Variants in RELN observed in about 807,000 individuals in gnomAD.
The protein encoded by RELN is reelin.
In RELN, 108 loss-of-function variants were observed where a neutral mutation model predicts 427.6. That is an observed-to-expected ratio of 0.25 (90% confidence interval 0.22 to 0.30). RELN has a LOEUF of 0.30. Ranked by LOEUF, RELN falls within the 10% of genes least tolerant of loss-of-function variation. RELN has a pLI of 1.00. For synonymous variants in RELN, 1,524 were observed against 1,513.4 expected (o/e 1.01, Z -0.16); for missense variants, 3,715 against 4,302.8 (o/e 0.86, Z 3.82).
intron 2 of RELN, among the ~76,000 whole-genome samples, chr7:103,877,380 C>G (rs1794504406): frequency 6.6e-6 from 1 of 152,144 alleles, no homozygotes; most frequent in African/African-American, 2.4e-5. Flanking sequence ...AAGATCATCA[C>G]TTTATACTCA....
chr7:103,870,345 G>T (rs1401734133), intron 2 of RELN, among the ~76,000 whole-genome samples: 10 of 148,128 alleles, frequency 6.8e-5, no homozygotes, highest in African/African-American at 1.5e-4. Flanking sequence ...TCTGGTTTCG[G>T]TTTTTTTTTT....
chr7:103,736,233 C>T (rs1790488857), intron 6 of RELN, among the ~76,000 whole-genome samples: 2 of 152,182 alleles, frequency 1.3e-5, no homozygotes, highest in Admixed American at 6.5e-5. Flanking sequence ...CAACTTCTGA[C>T]CATATTTTAC....
intron 2 of RELN, among the ~76,000 whole-genome samples, chr7:103,892,033 T>C (rs1794861742): frequency 6.6e-6 from 1 of 152,212 alleles, no homozygotes. Context: ...TCTAGAACTG[T>C]ATCTTTCAAC....
At chr7:103,665,358 GTGTGTATATATA>G (rs1469325283) in intron 11 of RELN, among the ~76,000 whole-genome samples, 1,624 of 131,308 alleles carry the variant, frequency 0.012, 25 homozygotes, top group African/African-American at 0.045. Context: ...GTGTGTGTGT[GTGTGTATATATA>G]TATATATATA....
chr7:103,519,174 T>G (rs1465121670), intron 49 of RELN, 149 bp downstream of exon 49: 2 of 652,636 alleles, frequency 3.1e-6, no homozygotes, highest in East Asian at 2.7e-5. Flanking sequence ...CAGCTATTTA[T>G]CCAGCTCAGA....
chr7:103,850,317 T>A (rs374532092), intron 2 of RELN, among the ~76,000 whole-genome samples: 1 of 152,180 alleles, frequency 6.6e-6, no homozygotes, highest in Non-Finnish European at 1.5e-5. Context: ...CTCCCTAACA[T>A]AGGCCCCCAT....
intron 1 of RELN, among the ~76,000 whole-genome samples, chr7:103,919,133 C>CT (rs1187538150): frequency 0.065 from 6,555 of 101,294 alleles, 616 homozygotes; most frequent in African/African-American, 0.18. Flanking sequence ...GATAATCGGT[C>CT]TTTTTTTTTT....
chr7:103,516,433 G>A (rs760016674), intron 49 of RELN, among the ~76,000 whole-genome samples: 14 of 151,938 alleles, frequency 9.2e-5, no homozygotes, highest in Middle Eastern at 3.4e-3. Flanking sequence ...TTACAGGCGC[G>A]CATGCCAACA....
intron 1 of RELN, among the ~76,000 whole-genome samples, chr7:103,936,275 T>C (rs1010193544): frequency 6.6e-6 from 1 of 152,132 alleles, no homozygotes; most frequent in Admixed American, 6.6e-5. Context: ...GTATTTTTAG[T>C]AGAGATGGCG....
At chr7:103,840,075 G>T (rs541850967) in intron 2 of RELN, among the ~76,000 whole-genome samples, 2 of 152,192 alleles carry the variant, frequency 1.3e-5, no homozygotes, top group South Asian at 2.1e-4. Flanking sequence ...ATGATTGTAA[G>T]TTTCCCAAGG....
intron 2 of RELN, among the ~76,000 whole-genome samples, chr7:103,912,758 T>A (rs909486965): frequency 3.9e-5 from 6 of 152,118 alleles, no homozygotes; most frequent in Non-Finnish European, 7.4e-5. Flanking sequence ...CTATCTTTTA[T>A]AACCAGAATT....
rs144388452 is a variant in RELN, at chr7:103,565,331, C to T, written c.5157G>A (p.Ser1719=). 7.1e-5 allele frequency: 115 copies of T among 1,613,884 alleles called. No individual in the cohort carries two copies. Among genetic ancestry groups the T allele is most frequent in the Non-Finnish European group, 9.0e-5 (106 of 1,179,970 alleles). The change falls in exon 34 of 65, where the codon TCG becomes TCA. Residue 1719 remains serine, a synonymous_variant. Coordinates refer to ENST00000428762, the MANE Select transcript of RELN (RefSeq NM_005045.4). ...TCCGCTTCCAATTCTGGAATCTTTC[C>T]GAGGTGTAAATTGAACTTTCCGTGT... The part of the protein sequence containing the change: ...LHYTESSIYT[S]ERFQNWKRIT...
chr7:103,829,089 C>T (rs1197108263), intron 3 of RELN, among the ~76,000 whole-genome samples: 1 of 151,916 alleles, frequency 6.6e-6, no homozygotes, highest in Non-Finnish European at 1.5e-5. Flanking sequence ...CATCTGCAAA[C>T]TGAGATAATA....
intron 8 of RELN, among the ~76,000 whole-genome samples, chr7:103,717,776 A>C (rs887846700): frequency 5.3e-5 from 8 of 152,000 alleles, no homozygotes; most frequent in African/African-American, 1.9e-4. Flanking sequence ...AGGGAGAGTG[A>C]TTCTGGAAAA....
intron 18 of RELN, among the ~76,000 whole-genome samples, 167 bp downstream of exon 18, chr7:103,636,068 A>G (rs1832572883): frequency 6.6e-6 from 1 of 152,242 alleles, no homozygotes; most frequent in African/African-American, 2.4e-5. Flanking sequence ...CTCCTAATTT[A>G]CTAAAAACTA....
intron 2 of RELN, among the ~76,000 whole-genome samples, chr7:103,838,204 G>A (rs1325057491): frequency 1.1e-4 from 5 of 46,862 alleles, no homozygotes; most frequent in East Asian, 6.7e-4. Flanking sequence ...GCGAGACTTC[G>A]TCTCAAAAAA....
intron 3 of RELN, among the ~76,000 whole-genome samples, chr7:103,816,304 AG>A (rs1792868138): frequency 6.6e-6 from 1 of 152,154 alleles, no homozygotes; most frequent in Admixed American, 6.5e-5. Context: ...CCTTGAACCA[AG>A]GAGGCAGAGG....
chr7:103,594,196 G>C, intron 26 of RELN, 125 bp downstream of exon 26: 1 of 1,026,278 alleles, frequency 9.7e-7, no homozygotes, highest in Admixed American at 1.7e-5. Context: ...AAAAAATTAA[G>C]TACAAGCCCT....
Position 103,779,794 on chromosome 7 carries a change from C to T in RELN, c.474-3167G>A, listed in dbSNP as rs184218361. 3.8e-3 allele frequency among the ~76,000 whole-genome samples: 579 copies of T among 152,264 alleles called. 3 individuals are homozygous for T. Among genetic ancestry groups the T allele is most frequent in the Non-Finnish European group, 6.0e-3 (411 of 68,022 alleles). ...CCAAGCTGGAGTGCAGTGGCGTGAT[C>T]TTGGCTCGCTGCAACCACCACCTCC... On this transcript the variant is annotated intron_variant, in intron 3 of 64. Transcript: ENST00000428762.
Sources: allele counts gnomAD v4.1 joint callset (sites outside exome capture counted in the v4.1 genomes callset), GRCh38; gene constraint gnomAD v4.1.1; transcripts MANE v1.5; gene names NCBI Gene and HGNC (gene_info 2026-07-23, HGNC 2026-07-21).